Variants in NF1 observed in about 807,000 individuals in gnomAD.
NF1 encodes neurofibromin 1.
Under a neutral mutation model 325.7 loss-of-function variants are expected in NF1, and 122 were observed. The observed-to-expected ratio is 0.37, with a 90% confidence interval of 0.32 to 0.44. The LOEUF (loss-of-function observed/expected upper bound fraction) is 0.44. NF1 is among the 20% of genes least tolerant of loss of function. The pLI, the probability that NF1 is intolerant of heterozygous loss-of-function variation, is 1.00. For missense variants in NF1, 2,140 were observed against 3,415.4 expected, an observed-to-expected ratio of 0.63 and a Z score of 9.31; for synonymous variants, 1,091 against 1,186.0, an observed-to-expected ratio of 0.92 and a Z score of 1.65.
At chr17:31,143,358 C>T (rs1380146079) in intron 1 of NF1, among the ~76,000 whole-genome samples, 2 of 152,100 alleles carry the variant, frequency 1.3e-5, no homozygotes, top group Non-Finnish European at 2.9e-5. Flanking sequence ...CCTCAACCTC[C>T]TGGGCTCAAG....
intron 36 of NF1, among the ~76,000 whole-genome samples, chr17:31,298,730 A>G (rs376432230): frequency 6.6e-6 from 1 of 152,122 alleles, no homozygotes; most frequent in South Asian, 2.1e-4. Flanking sequence ...CATAGTGCTT[A>G]AAATAATGTG....
At chr17:31,246,180 C>G (rs1417586417) in intron 29 of NF1, among the ~76,000 whole-genome samples, 2 of 152,208 alleles carry the variant, frequency 1.3e-5, no homozygotes, top group African/African-American at 4.8e-5. Context: ...ATCCTCAGCA[C>G]CTGATACTAA....
At chr17:31,231,700 G>A (rs182426406) in intron 24 of NF1, among the ~76,000 whole-genome samples, 22 of 152,164 alleles carry the variant, frequency 1.4e-4, no homozygotes, top group Non-Finnish European at 2.8e-4. Flanking sequence ...CAAAAAATCT[G>A]TACATGTTGA....
chr17:31,337,262 AT>A (rs1373547038), intron 42 of NF1, 105 bp from the exon 43 acceptor site: 5 of 920,872 alleles, frequency 5.4e-6, no homozygotes, highest in Middle Eastern at 6.5e-4. Context: ...TGATTATGTA[AT>A]TTTTATATGG....
chr17:31,199,931 T>C (rs1316567427), intron 8 of NF1, among the ~76,000 whole-genome samples: 1 of 152,008 alleles, frequency 6.6e-6, no homozygotes, highest in Admixed American at 6.6e-5. Context: ...AGCCCAGGGG[T>C]TCAAGACCAG....
At chr17:31,139,119 C>CT (rs1916018311) in intron 1 of NF1, among the ~76,000 whole-genome samples, 1 of 152,116 alleles carries the variant, frequency 6.6e-6, no homozygotes, top group Non-Finnish European at 1.5e-5. Context: ...ATGATCTCAG[C>CT]TCACTGCAAC....
chr17:31,280,564 G>A (rs1420552462), intron 36 of NF1, among the ~76,000 whole-genome samples: 1 of 150,480 alleles, frequency 6.6e-6, no homozygotes, highest in Admixed American at 6.6e-5. Flanking sequence ...TTAGCCTGGA[G>A]GCCATACAAA....
chr17:31,252,633 C>A, intron 30 of NF1: 1 of 332,940 alleles, frequency 3.0e-6, no homozygotes, highest in Non-Finnish European at 5.6e-6. Context: ...AGGAATTAAC[C>A]AAAATGTAAA....
chr17:31,282,742 TTGTG>T (rs1026672725), intron 36 of NF1, among the ~76,000 whole-genome samples: 4 of 152,242 alleles, frequency 2.6e-5, no homozygotes, highest in Non-Finnish European at 5.9e-5. Context: ...ATATAAGCGT[TTGTG>T]TGGACGTATG....
Position 31,349,270 on chromosome 17 carries a change from C to A in NF1, c.7321+19C>A, listed in dbSNP as rs1597858706. ...TTAGCAGGTAAAAACACAAAATAAACAAAATTAATCTTGCTACATCTATAT... is the reference window on the plus strand; with the variant it reads ...TTAGCAGGTAAAAACACAAAATAAAAAAAATTAATCTTGCTACATCTATAT... On this transcript the variant is annotated intron_variant, in intron 49 of 57. Coordinates refer to ENST00000358273, the MANE Select transcript of NF1 (RefSeq NM_001042492.3). The A allele has an allele frequency of 6.2e-7, 1 of 1,607,834 alleles. No individual in the cohort carries two copies. Among genetic ancestry groups the A allele is most frequent in the Non-Finnish European group, 8.5e-7 (1 of 1,177,620 alleles).
rs2143774947 is a variant in NF1, at chr17:31,181,502, C to G, written c.654+13C>G. The G allele has an allele frequency of 6.2e-7, 1 of 1,611,792 alleles. No homozygotes were observed. Among genetic ancestry groups the G allele is most frequent in the Non-Finnish European group, 8.5e-7 (1 of 1,178,176 alleles). ...TAGCCTGGAAAAGGTAAGTTACAAC[C>G]TCTCTGGTATTAAAATTTTGTTTTT... On this transcript the variant is annotated intron_variant, in intron 6 of 57. Coordinates refer to ENST00000358273, the MANE Select transcript of NF1 (RefSeq NM_001042492.3).
At chr17:31,115,045 A>G (rs1913779325) in intron 1 of NF1, among the ~76,000 whole-genome samples, 1 of 152,170 alleles carries the variant, frequency 6.6e-6, no homozygotes, top group South Asian at 2.1e-4. Context: ...ATCACCTAGT[A>G]ATAGGACTGA....
chr17:31,315,238 A>G (rs2068990539), intron 36 of NF1, among the ~76,000 whole-genome samples: 1 of 152,206 alleles, frequency 6.6e-6, no homozygotes, highest in African/African-American at 2.4e-5. Flanking sequence ...ATAAGAAGTT[A>G]ACTAAAGTTA....
At position 31,201,127 on chromosome 17, in the gene NF1, C is replaced by T. The variant is rs1322986962; in HGVS notation, c.1153C>T (p.Arg385Cys). Residue 385 changes from arginine (R) to cysteine (C), a missense_variant, in exon 10 of 58, where the codon CGT (arginine) becomes TGT (cysteine). Arg to Cys is a radical substitution (Grantham distance 180). This residue lies in a region of NF1 where 179 missense variants were observed against 381.0 expected (regional missense o/e 0.47). Coordinates refer to ENST00000358273, the MANE Select transcript of NF1 (RefSeq NM_001042492.3). ...LMIDCLVSCF[R>C]ISPHNNQHFK... ...GATTGACTGCCTTGTTTCTTGCTTT[C>T]GTATAAGCCCTCACAACAACCAACA... The T allele has an allele frequency of 1.2e-6, 2 of 1,613,950 alleles. No homozygotes were observed. Among genetic ancestry groups the T allele is most frequent in the Admixed American group, 1.7e-5 (1 of 60,000 alleles).
rs1313535131 is a variant in NF1 at position 31,260,357 on chromosome 17, G to T, written c.4431-12G>T. 6.2e-7 allele frequency: 1 copy of T among 1,613,160 alleles called. No individual in the cohort carries two copies. ...TGGTGTTGAAAATTCTAATGACTTT[G>T]CATTTTTGAAGGTTTTTCCTTGATA... On this transcript the variant is annotated splice_polypyrimidine_tract_variant and intron_variant, in intron 33 of 57. Coordinates refer to ENST00000358273, the MANE Select transcript of NF1 (RefSeq NM_001042492.3).
At chr17:31,107,669 A>C (rs7219359) in intron 1 of NF1, among the ~76,000 whole-genome samples, 1 of 152,134 alleles carries the variant, frequency 6.6e-6, no homozygotes. Flanking sequence ...TCCCACCCCC[A>C]CCAAAAAATT....
chr17:31,296,572 C>T (rs1176325695), intron 36 of NF1: 1 of 511,206 alleles, frequency 2.0e-6, no homozygotes, highest in African/African-American at 1.9e-5. Context: ...CCTGCATTTT[C>T]TCCTTTATTT....
chr17:31,265,199 C>T, intron 35 of NF1, 30 bp from the exon 36 acceptor site: 1 of 1,455,200 alleles, frequency 6.9e-7, no homozygotes, highest in South Asian at 1.1e-5. Context: ...AACATAAAGC[C>T]TCATAATTAC....
In NF1 at chr17:31,308,314, T is replaced by C. The variant is rs561669646; in HGVS notation, c.4836-17506T>C. ...CACTACCACACCTGGCTAATTTTTG[T>C]ATTTTTAGTAGAGACAGGGTTTCAC... On this transcript the variant is annotated intron_variant, in intron 36 of 57. Coordinates refer to ENST00000358273, the MANE Select transcript of NF1 (RefSeq NM_001042492.3). 3.9e-5 allele frequency among the ~76,000 whole-genome samples: 6 copies of C among 152,214 alleles called. No individual in the cohort carries two copies. The East Asian group carries it at 1.2e-3, about 29-fold the overall frequency.
Sources: gnomAD v4.1 joint callset for allele counts (sites outside exome capture counted in the v4.1 genomes callset) on GRCh38, gnomAD v4.1.1 for gene constraint, gnomAD v4.1.1 regional missense constraint, MANE v1.5 for transcripts, NCBI Gene and HGNC (gene_info 2026-07-23, HGNC 2026-07-21) for gene names.